The following PBRM1 variants were observed in gnomAD, a reference collection of about 807,000 sequenced individuals.
PBRM1 encodes protein polybromo-1.
In PBRM1, 27 loss-of-function variants were observed where a neutral mutation model predicts 194.5. The ratio of observed to expected loss-of-function variants is 0.14; its 90% CI spans 0.10 to 0.19. The LOEUF (loss-of-function observed/expected upper bound fraction) is 0.19, where lower values mean the gene tolerates loss of function less well. Ranked by LOEUF, PBRM1 falls within the 10% of genes least tolerant of loss-of-function variation. PBRM1 has a pLI of 1.00. For synonymous variants in PBRM1, 655 were observed against 693.2 expected (o/e 0.94, Z 0.87); for missense variants, 1,466 against 2,077.2 (o/e 0.71, Z 5.72).
chr3:52,609,861 A>T lies in PBRM1; in HGVS notation c.2019T>A (p.Thr673=). 6.2e-7 allele frequency: 1 copy of T among 1,608,474 alleles called. No homozygotes were observed. Among genetic ancestry groups the T allele is most frequent in the Non-Finnish European group, 8.5e-7 (1 of 1,177,832 alleles). Residue 673 remains threonine (T), a synonymous_variant, in exon 16 of 30, where the codon ACT becomes ACA. Coordinates refer to ENST00000296302, the Ensembl canonical transcript of PBRM1. This position sits in a 1 kb window ranked among gnomAD's most constrained non-coding sequence, Gnocchi z 4.1. ...CACTGAGGCGGCGACCCCTCTTATC[A>T]GTATAGTTCTTTACAGCTTCATAGA...
intron 10 of PBRM1, among the ~76,000 whole-genome samples, chr3:52,641,702 T>C (rs1390731828): frequency 2.6e-5 from 4 of 152,310 alleles, no homozygotes; most frequent in Non-Finnish European, 4.4e-5. Flanking sequence ...TTTATCATTA[T>C]AGGTTTTAAA....
At chr3:52,648,803 T>C (rs1360214108) in intron 6 of PBRM1, among the ~76,000 whole-genome samples, 2 of 152,210 alleles carry the variant, frequency 1.3e-5, no homozygotes, top group Non-Finnish European at 2.9e-5. Context: ...GTGGATTTAA[T>C]AGTGTGAAGC....
Position 52,617,246 on chromosome 3 carries a change from C to T in PBRM1, c.1818+16G>A, listed in dbSNP as rs748213758. On this transcript the variant is annotated intron_variant, in intron 14 of 29. Coordinates refer to ENST00000296302, the Ensembl canonical transcript of PBRM1. ...CCGCAAAATGTGCCTACTTCAGGACCGCTGGCCCTCCTTACCTGGGAGCCC... is the reference window on the plus strand; with the variant it reads ...CCGCAAAATGTGCCTACTTCAGGACTGCTGGCCCTCCTTACCTGGGAGCCC... 8.1e-6 allele frequency: 13 copies of T among 1,608,756 alleles called. No individual in the cohort carries two copies. Among genetic ancestry groups the T allele is most frequent in the South Asian group, 6.6e-5 (6 of 90,534 alleles).
chr3:52,621,442 C>T (rs899287915), intron 13 of PBRM1, among the ~76,000 whole-genome samples: 7 of 152,282 alleles, frequency 4.6e-5, no homozygotes, highest in Non-Finnish European at 8.8e-5. Flanking sequence ...GGATTACAGG[C>T]GTGAGCCACT....
chr3:52,572,984 T>C (rs2087943375), intron 22 of PBRM1, among the ~76,000 whole-genome samples: 1 of 152,254 alleles, frequency 6.6e-6, no homozygotes, highest in Non-Finnish European at 1.5e-5. Flanking sequence ...ACTTTGTGAT[T>C]ACTAGATGCA....
At chr3:52,622,352 AAAG>A (rs974702009) in intron 13 of PBRM1, among the ~76,000 whole-genome samples, 4 of 67,884 alleles carry the variant, frequency 5.9e-5, no homozygotes, top group East Asian at 5.9e-4. Flanking sequence ...AAATAAAAAA[AAAG>A]AAAGACAAAA....
chr3:52,660,819 T>C (rs1315251161), intron 4 of PBRM1, among the ~76,000 whole-genome samples: 1 of 151,628 alleles, frequency 6.6e-6, no homozygotes, highest in East Asian at 2.0e-4. Context: ...GACTAGGAAC[T>C]GTATTTTGAG....
At chr3:52,642,002 T>A (rs1239938907) in exon 10 of PBRM1, 3 of 1,607,782 alleles carry the variant, frequency 1.9e-6, no homozygotes, top group Non-Finnish European at 2.6e-6. Flanking sequence ...TGAAGTGCCA[T>A]TGTAATTGCT....
At chr3:52,647,751 C>T (rs963786941) in intron 7 of PBRM1, among the ~76,000 whole-genome samples, 2 of 151,758 alleles carry the variant, frequency 1.3e-5, no homozygotes, top group East Asian at 1.9e-4. Context: ...ACATATTATA[C>T]GATTCCATTT....
At chr3:52,546,618 T>C (rs1017432346), downstream of PBRM1, 2 of 231,492 alleles carry the variant, frequency 8.6e-6, no homozygotes, top group Admixed American at 1.1e-4. Flanking sequence ...CTCTCTCAGA[T>C]TATAAACAGC....
upstream of PBRM1, chr3:52,682,106 T>G (rs561499942): frequency 1.3e-5 from 2 of 152,320 alleles, no homozygotes; most frequent in South Asian, 4.1e-4. Context: ...GGAATGACTG[T>G]CAATTCCAGG....
At chr3:52,657,750 G>A (rs1206978465) in intron 5 of PBRM1, among the ~76,000 whole-genome samples, 51 of 144,664 alleles carry the variant, frequency 3.5e-4, no homozygotes, top group Middle Eastern at 4.9e-3. Context: ...GATTACAGGC[G>A]TGAGCCACTG....
intron 17 of PBRM1, among the ~76,000 whole-genome samples, chr3:52,589,582 C>T (rs1021885949): frequency 6.6e-6 from 1 of 152,102 alleles, no homozygotes; most frequent in African/African-American, 2.4e-5. Context: ...GTACGTATGT[C>T]GTTTCGAATC....
intron 19 of PBRM1, 59 bp from the exon 22 acceptor site, chr3:52,586,747 TCA>T (rs2092445077): frequency 7.7e-4 from 112 of 145,198 alleles, no homozygotes; most frequent in South Asian, 6.7e-3. Flanking sequence ...TGAAAATCAA[TCA>T]AAAAAAAAAA....
intron 4 of PBRM1, among the ~76,000 whole-genome samples, chr3:52,660,783 G>T (rs768967590): frequency 3.0e-4 from 46 of 152,248 alleles, no homozygotes; most frequent in Admixed American, 3.3e-4. Flanking sequence ...AAAGTGCTGG[G>T]ATTACAGGGG....
chr3:52,645,556 T>G (rs2096267702), intron 7 of PBRM1, among the ~76,000 whole-genome samples: 1 of 151,878 alleles, frequency 6.6e-6, no homozygotes, highest in Admixed American at 6.6e-5. Flanking sequence ...ACCTTTTCAC[T>G]TAAAGGGAGC....
chr3:52,559,036 A>C (rs1305681584), intron 25 of PBRM1, among the ~76,000 whole-genome samples: 2 of 152,220 alleles, frequency 1.3e-5, no homozygotes, highest in Non-Finnish European at 2.9e-5. Context: ...ATGTTTAATA[A>C]ACCCCAAAGG....
chr3:52,663,748 T>C (rs1451332693), intron 3 of PBRM1, among the ~76,000 whole-genome samples: 1 of 152,134 alleles, frequency 6.6e-6, no homozygotes, highest in Non-Finnish European at 1.5e-5. Context: ...AAAACAGGTG[T>C]GTTAAAAATG....
intron 10 of PBRM1, 78 bp from the exon 12 acceptor site, chr3:52,634,893 C>A: frequency 1.0e-6 from 1 of 970,852 alleles, no homozygotes; most frequent in South Asian, 1.5e-5. Flanking sequence ...CATTTAACAA[C>A]CTTCCAGATT....
Sources: allele counts gnomAD v4.1 joint callset (sites outside exome capture counted in the v4.1 genomes callset), GRCh38; gene constraint gnomAD v4.1.1; non-coding constraint Gnocchi (gnomAD v3.1); transcripts MANE v1.5; gene names NCBI Gene and HGNC (gene_info 2026-07-23, HGNC 2026-07-21).